TAS2R1: variants seen among roughly 807,000 people sequenced by gnomAD.
The protein encoded by TAS2R1 is taste receptor type 2 member 1.
For synonymous variants in TAS2R1, 141 were observed against 134.2 expected (o/e 1.05, Z -0.35); for missense variants, 370 against 353.4 (o/e 1.05, Z -0.38).
At chr5:9,840,857 A>ATTTATTTTTTT in the TAS2R1 span, among the ~76,000 whole-genome samples, 1 of 132,088 alleles carries the variant, frequency 7.6e-6, no homozygotes, top group African/African-American at 2.8e-5. Flanking sequence ...TTATTTATTT[A>ATTTATTTTTTT]TTTTTTTTTT....
At chr5:9,720,875 T>C in the TAS2R1 span, among the ~76,000 whole-genome samples, 1 of 152,224 alleles carries the variant, frequency 6.6e-6, no homozygotes, top group Non-Finnish European at 1.5e-5. Context: ...AGGAGTGCCA[T>C]GCTGCACTTG....
chr5:9,737,938 T>C, the TAS2R1 span, among the ~76,000 whole-genome samples: 1 of 152,280 alleles, frequency 6.6e-6, no homozygotes, highest in Non-Finnish European at 1.5e-5. Context: ...CTGTCTGCTG[T>C]GATGTTATCA....
At chr5:9,844,703 T>A in the TAS2R1 span, among the ~76,000 whole-genome samples, 3 of 152,280 alleles carry the variant, frequency 2.0e-5, no homozygotes, top group African/African-American at 7.2e-5. Flanking sequence ...ATGAACTCTA[T>A]ATTCTGCTTG....
Position 9,696,868 on chromosome 5 carries a change from C to A in TAS2R1, c.-242+15304G>T, listed in dbSNP as rs548889167. On this transcript the variant is annotated intron_variant, in intron 1 of 2. Transcript: ENST00000506620. ...GTCTCTACTAATAATACAAAATTAGCCAGCCGTGGTGGCACATGCCTGTAA... is the reference window on the plus strand; with the variant it reads ...GTCTCTACTAATAATACAAAATTAGACAGCCGTGGTGGCACATGCCTGTAA... Among the ~76,000 whole-genome samples, 8 of 152,082 alleles carry A rather than the reference C, an allele frequency of 5.3e-5. No individual in the cohort carries two copies. The South Asian group carries it at 1.2e-3, about 24-fold the overall frequency.
the TAS2R1 span, among the ~76,000 whole-genome samples, chr5:9,857,040 C>T: frequency 6.6e-6 from 1 of 152,112 alleles, no homozygotes; most frequent in African/African-American, 2.4e-5. Context: ...TACAGAAAGA[C>T]AAACATTGCA....
At chr5:9,653,260 G>A (rs1033666348) in intron 2 of TAS2R1, among the ~76,000 whole-genome samples, 1 of 151,774 alleles carries the variant, frequency 6.6e-6, no homozygotes, top group Non-Finnish European at 1.5e-5. Flanking sequence ...ACGTCAGAAT[G>A]TCCTTCCTTT....
intron 2 of TAS2R1, chr5:9,641,431 T>C (rs1740082765): frequency 6.6e-6 from 1 of 152,198 alleles, no homozygotes; most frequent in South Asian, 2.1e-4. Context: ...TCTGTCACTG[T>C]CTCTTCCATG....
chr5:9,882,754 G>C, the TAS2R1 span, among the ~76,000 whole-genome samples: 1 of 152,214 alleles, frequency 6.6e-6, no homozygotes, highest in African/African-American at 2.4e-5. Context: ...CATTGTGGAA[G>C]ATGGTGTTGT....
chr5:9,658,858 T>TA (rs1740470023), intron 2 of TAS2R1: 1 of 152,178 alleles, frequency 6.6e-6, no homozygotes, highest in Non-Finnish European at 1.5e-5. Context: ...AAAACCACCA[T>TA]AACAGCACAA....
chr5:9,835,397 CATTCACAG>C, the TAS2R1 span, among the ~76,000 whole-genome samples: 1 of 152,220 alleles, frequency 6.6e-6, no homozygotes, highest in Non-Finnish European at 1.5e-5. Flanking sequence ...GACCTAGACC[CATTCACAG>C]ATATCTGCTG....
chr5:9,819,977 T>C, the TAS2R1 span, among the ~76,000 whole-genome samples: 2 of 152,018 alleles, frequency 1.3e-5, no homozygotes, highest in Non-Finnish European at 2.9e-5. Flanking sequence ...GCCAGCTCCA[T>C]GAAACATAAA....
the TAS2R1 span, among the ~76,000 whole-genome samples, chr5:9,840,349 T>C: frequency 6.6e-6 from 1 of 152,228 alleles, no homozygotes; most frequent in Non-Finnish European, 1.5e-5. Flanking sequence ...GAGTTCTTTA[T>C]CTGAATGAAT....
At chr5:9,825,448 C>T in the TAS2R1 span, among the ~76,000 whole-genome samples, 4 of 152,316 alleles carry the variant, frequency 2.6e-5, no homozygotes, top group East Asian at 5.8e-4. Context: ...TATCTCCCAC[C>T]AGGTCCCTTC....
chr5:9,713,468 C>T (rs1204633638), upstream of TAS2R1, among the ~76,000 whole-genome samples: 4 of 152,046 alleles, frequency 2.6e-5, no homozygotes, highest in Non-Finnish European at 5.9e-5. Flanking sequence ...AATTATGCGA[C>T]TCCCACCCCC....
At chr5:9,696,142 A>T (rs1036687453) in intron 1 of TAS2R1, among the ~76,000 whole-genome samples, 3 of 152,230 alleles carry the variant, frequency 2.0e-5, no homozygotes, top group Non-Finnish European at 2.9e-5. Context: ...TCAAAAAAAA[A>T]TTTTAGTATT....
At chr5:9,858,449 G>T in the TAS2R1 span, among the ~76,000 whole-genome samples, 1 of 152,276 alleles carries the variant, frequency 6.6e-6, no homozygotes, top group East Asian at 1.9e-4. Flanking sequence ...GTAATATAAA[G>T]CTGTCCTTCT....
At chr5:9,665,997 A>T (rs959212462) in intron 1 of TAS2R1, among the ~76,000 whole-genome samples, 6 of 152,222 alleles carry the variant, frequency 3.9e-5, no homozygotes, top group Non-Finnish European at 7.3e-5. Flanking sequence ...GACAAGGAGT[A>T]TGACTTATAT....
chr5:9,664,858 A>G (rs1490976063), intron 1 of TAS2R1, among the ~76,000 whole-genome samples: 1 of 152,202 alleles, frequency 6.6e-6, no homozygotes, highest in Non-Finnish European at 1.5e-5. Context: ...GATTTCATTT[A>G]ATCTTCAGGG....
chr5:9,752,879 CA>C, the TAS2R1 span, among the ~76,000 whole-genome samples: 1 of 152,182 alleles, frequency 6.6e-6, no homozygotes, highest in South Asian at 2.1e-4. Flanking sequence ...GACATGAACT[CA>C]TCCTTTTTCA....
Sources: allele counts gnomAD v4.1 joint callset (sites outside exome capture counted in the v4.1 genomes callset), GRCh38; gene constraint gnomAD v4.1.1; transcripts MANE v1.5; gene names NCBI Gene and HGNC (gene_info 2026-07-23, HGNC 2026-07-21).